The following SIPA1L3 variants were observed in gnomAD, a reference collection of about 807,000 sequenced individuals.
The protein encoded by SIPA1L3 is signal induced proliferation associated 1 like 3, also known as signal-induced proliferation-associated 1-like protein 3.
In SIPA1L3, 59 loss-of-function variants were observed where a neutral mutation model predicts 150.1. The ratio of observed to expected loss-of-function variants is 0.39; its 90% CI spans 0.32 to 0.49. SIPA1L3 has a LOEUF of 0.49. Ranked by LOEUF, SIPA1L3 falls within the 20% of genes least tolerant of loss-of-function variation. SIPA1L3 has a pLI of 0.86. For synonymous variants in SIPA1L3, 1,070 were observed against 1,077.6 expected, an observed-to-expected ratio of 0.99 and a Z score of 0.14; for missense variants, 2,211 against 2,489.5, an observed-to-expected ratio of 0.89 and a Z score of 2.38.
At position 38,081,627 on chromosome 19, in the gene SIPA1L3, G is replaced by C; in HGVS notation, c.62G>C (p.Arg21Thr). ...GVDLAASCGA[R>T]VGDVLPGPHT... The stretch of plus-strand genomic sequence containing the variant: ...GACCTGGCAGCCAGCTGTGGCGCCA[G>C]GGTGGGCGATGTCCTCCCTGGGCCA... Residue 21 changes from arginine (R) to threonine (T), a missense_variant, in exon 3 of 22, where the codon AGG becomes ACG. By Grantham distance (71) the Arg-to-Thr change is moderately conservative. Transcript: ENST00000222345. 1 of 1,605,954 alleles carries C rather than the reference G, an allele frequency of 6.2e-7. No homozygotes were observed. The highest frequency in any genetic ancestry group is 8.5e-7 in the Non-Finnish European group (1 of 1,174,680).
intron 15 of SIPA1L3, among the ~76,000 whole-genome samples, chr19:38,171,013 G>GTATGTATATATACAAC (rs1198551500): frequency 6.6e-6 from 1 of 151,906 alleles, no homozygotes; most frequent in Non-Finnish European, 1.5e-5. Context: ...GTGAACCTCA[G>GTATGTATATATACAAC]TATGTATATA....
chr19:37,931,110 G>A (rs924781188), intron 1 of SIPA1L3, among the ~76,000 whole-genome samples: 8 of 152,114 alleles, frequency 5.3e-5, no homozygotes, highest in South Asian at 2.1e-4. Flanking sequence ...CTGATTACTC[G>A]GTATTTTGAA....
chr19:38,192,331 C>T (rs778939624), intron 17 of SIPA1L3, 21 bp downstream of exon 17: 36 of 1,562,258 alleles, frequency 2.3e-5, no homozygotes, highest in East Asian at 7.0e-5. Context: ...CCCTGTCCCC[C>T]GCTCCCGACC....
At chr19:38,054,865 G>T (rs61657018) in intron 2 of SIPA1L3, among the ~76,000 whole-genome samples, 1 of 152,104 alleles carries the variant, frequency 6.6e-6, no homozygotes, top group Admixed American at 6.5e-5. Flanking sequence ...GGATGGCTGC[G>T]CTTCTGCCAT....
At chr19:38,126,107 G>A (rs1971165342) in intron 9 of SIPA1L3, among the ~76,000 whole-genome samples, 1 of 152,108 alleles carries the variant, frequency 6.6e-6, no homozygotes, top group African/African-American at 2.4e-5. Context: ...CCGGGAGGCG[G>A]AGGTTGCAGT....
At chr19:38,139,733 T>C (rs770244881) in intron 10 of SIPA1L3, among the ~76,000 whole-genome samples, 1 of 152,310 alleles carries the variant, frequency 6.6e-6, no homozygotes, top group Middle Eastern at 3.4e-3. Flanking sequence ...GGATAATGGA[T>C]AAAGAACAGA....
At chr19:37,961,015 C>T (rs1370156820) in intron 1 of SIPA1L3, among the ~76,000 whole-genome samples, 3 of 151,974 alleles carry the variant, frequency 2.0e-5, no homozygotes, top group Admixed American at 6.6e-5. Flanking sequence ...CTTACAGGCA[C>T]CCGCCACCAC....
At chr19:37,988,539 G>T (rs758637232) in intron 1 of SIPA1L3, among the ~76,000 whole-genome samples, 8 of 152,106 alleles carry the variant, frequency 5.3e-5, no homozygotes, top group Non-Finnish European at 1.2e-4. Flanking sequence ...AGCCAGACAT[G>T]GTGGTGGGCA....
chr19:38,191,912 C>T (rs941474130), intron 16 of SIPA1L3, among the ~76,000 whole-genome samples: 2 of 152,194 alleles, frequency 1.3e-5, no homozygotes, highest in Non-Finnish European at 2.9e-5. Flanking sequence ...TGCTCACGGC[C>T]GTGTCCCCAG....
rs569462626 is a variant in SIPA1L3 at position 38,119,772 on chromosome 19, A to G, written c.2758A>G (p.Thr920Ala). 3.7e-6 allele frequency: 6 copies of G among 1,613,742 alleles called. No individual in the cohort carries two copies. In the South Asian group the frequency reaches 6.6e-5, roughly 18 times the overall value. ...NCYCGDVIGW[T>A]PDSSTLKIFY... ...CTACTGCGGGGATGTCATTGGCTGG[A>G]CTCCAGACTCCTCCACACTCAAAAT... Residue 920 changes from threonine (T) to alanine (A), a missense_variant, in exon 9 of 22, where the codon ACT becomes GCT. Thr to Ala is a moderately conservative substitution (Grantham distance 58, BLOSUM62 0). Around this residue, in one of 5 missense-constraint regions of SIPA1L3, gnomAD observed 625 missense variants for 804.2 expected, o/e 0.78. Transcript: ENST00000222345.
At chr19:38,101,318 G>A in intron 6 of SIPA1L3, 92 bp downstream of exon 6, 1 of 924,262 alleles carries the variant, frequency 1.1e-6, no homozygotes, top group Non-Finnish European at 1.5e-6. Flanking sequence ...CCACGGTGGG[G>A]ACGTGGAGCA....
chr19:38,025,933 CTG>C (rs1302892281), intron 1 of SIPA1L3, among the ~76,000 whole-genome samples: 1 of 152,166 alleles, frequency 6.6e-6, no homozygotes, highest in African/African-American at 2.4e-5. Flanking sequence ...TGTATAGTGA[CTG>C]TTTCTAATTT....
intron 2 of SIPA1L3, among the ~76,000 whole-genome samples, chr19:38,062,621 ATTTTT>A (rs11392353): frequency 7.6e-6 from 1 of 132,280 alleles, no homozygotes; most frequent in African/African-American, 3.0e-5. Context: ...TATTATTATT[ATTTTT>A]TTTTTTGAGA....
intron 1 of SIPA1L3, among the ~76,000 whole-genome samples, chr19:37,978,300 T>G (rs944297990): frequency 2.0e-5 from 3 of 152,228 alleles, no homozygotes; most frequent in African/African-American, 7.2e-5. Flanking sequence ...GGGCGGGCTC[T>G]CTAGGGGAGT....
At chr19:37,911,512 C>G (rs980552595) in intron 1 of SIPA1L3, among the ~76,000 whole-genome samples, 1 of 143,722 alleles carries the variant, frequency 7.0e-6, no homozygotes, top group Non-Finnish European at 1.5e-5. Flanking sequence ...TCTGAGATGT[C>G]TTTTTTTTTT....
intron 1 of SIPA1L3, among the ~76,000 whole-genome samples, chr19:37,942,589 A>G (rs2046669957): frequency 2.0e-5 from 3 of 151,352 alleles, no homozygotes; most frequent in Non-Finnish European, 4.4e-5. Flanking sequence ...TGTGGGTTTG[A>G]TTCAGAGTGT....
At chr19:37,966,088 C>G (rs1811487714) in intron 1 of SIPA1L3, among the ~76,000 whole-genome samples, 1 of 152,220 alleles carries the variant, frequency 6.6e-6, no homozygotes, top group African/African-American at 2.4e-5. Flanking sequence ...TCCCCCTGTT[C>G]CCCTGCCGTG....
intron 17 of SIPA1L3, 61 bp from the exon 18 acceptor site, chr19:38,193,476 T>C: frequency 7.1e-7 from 1 of 1,406,310 alleles, no homozygotes; most frequent in South Asian, 1.7e-5. Context: ...AAGATGCCTC[T>C]GAGGACCCTG....
chr19:38,141,276 A>G lies in SIPA1L3; in HGVS notation c.3236A>G (p.Asn1079Ser). 2 of 1,613,416 alleles carry G rather than the reference A, an allele frequency of 1.2e-6. No individual in the cohort carries two copies. Among genetic ancestry groups the G allele is most frequent in the African/African-American group, 1.3e-5 (1 of 74,830 alleles). Residue 1079 changes from asparagine to serine, a missense_variant, in exon 11 of 22, where the codon AAT becomes AGT. Physicochemically the swap from Asn to Ser is conservative, Grantham distance 46. This residue lies in a region of SIPA1L3 where 806 missense variants were observed against 870.1 expected (regional missense o/e 0.93). Coordinates refer to ENST00000222345, the MANE Select transcript of SIPA1L3 (RefSeq NM_015073.3). Reference protein sequence around the residue: ...TPGGRPPYRSNAPWQWSGPAS... With the variant: ...TPGGRPPYRSSAPWQWSGPAS... ...GGGGGCCGGCCCCCCTACCGCAGCAATGCTCCCTGGCAGTGGAGCGGGCCC... is the reference window on the plus strand; with the variant it reads ...GGGGGCCGGCCCCCCTACCGCAGCAGTGCTCCCTGGCAGTGGAGCGGGCCC...
Sources: gnomAD v4.1 joint callset for allele counts (sites outside exome capture counted in the v4.1 genomes callset) on GRCh38, gnomAD v4.1.1 for gene constraint, gnomAD v4.1.1 regional missense constraint, MANE v1.5 for transcripts, NCBI Gene and HGNC (gene_info 2026-07-23, HGNC 2026-07-21) for gene names.